PDE1A: variants seen among roughly 807,000 people sequenced by gnomAD.
The protein encoded by PDE1A is phosphodiesterase 1A.
Under a neutral mutation model 61.7 loss-of-function variants are expected in PDE1A, and 35 were observed. The observed-to-expected ratio is 0.57, with a 90% CI of 0.43 to 0.75. The LOEUF (loss-of-function observed/expected upper bound fraction) is 0.75, where lower values mean the gene tolerates loss of function less well. Among genes scored for constraint, PDE1A ranks in the 30% least tolerant of loss-of-function variants. The pLI, the probability that PDE1A is intolerant of heterozygous loss-of-function variation, is 0.00. For synonymous variants in PDE1A, 232 were observed against 213.2 expected (o/e 1.09, Z -0.77); for missense variants, 597 against 630.6 (o/e 0.95, Z 0.57).
chr2:182,516,682 A>T (rs1690171303), intron 2 of PDE1A, among the ~76,000 whole-genome samples: 1 of 121,098 alleles, frequency 8.3e-6, no homozygotes, highest in African/African-American at 3.2e-5. Flanking sequence ...GGAAGGAGGG[A>T]AGGAGGGAAG....
intron 1 of PDE1A, among the ~76,000 whole-genome samples, chr2:182,419,435 A>G (rs1209540048): frequency 6.6e-6 from 1 of 150,844 alleles, no homozygotes; most frequent in African/African-American, 2.4e-5. Flanking sequence ...TCCTGGATTC[A>G]AGCAATTCTC....
the PDE1A span, among the ~76,000 whole-genome samples, chr2:182,676,435 C>CA: frequency 0.018 from 2,513 of 137,458 alleles, 129 homozygotes; most frequent in Admixed American, 0.12. Context: ...GCCTACCAAC[C>CA]AAAAAAAAAA....
the PDE1A span, among the ~76,000 whole-genome samples, chr2:182,575,720 T>TAG: frequency 6.9e-6 from 1 of 145,730 alleles, no homozygotes; most frequent in African/African-American, 2.5e-5. Context: ...TCTATATATA[T>TAG]ATAGATATAT....
At chr2:182,202,824 A>G (rs565435114) in intron 8 of PDE1A, among the ~76,000 whole-genome samples, 293 of 152,334 alleles carry the variant, frequency 1.9e-3, no homozygotes, top group South Asian at 0.014. Flanking sequence ...AAAGCCTTGC[A>G]TGTTCCACAA....
intron 2 of PDE1A, among the ~76,000 whole-genome samples, chr2:182,449,921 A>T (rs1188148332): frequency 1.3e-5 from 2 of 152,138 alleles, no homozygotes; most frequent in Admixed American, 6.6e-5. Flanking sequence ...TTAAATTTAA[A>T]TTTTTTTAAG....
At chr2:182,173,764 G>T (rs1230094095) in intron 13 of PDE1A, among the ~76,000 whole-genome samples, 2 of 151,862 alleles carry the variant, frequency 1.3e-5, no homozygotes, top group African/African-American at 4.8e-5. Flanking sequence ...AATTGCTTAG[G>T]ATTCAGTCCT....
intron 1 of PDE1A, among the ~76,000 whole-genome samples, chr2:182,309,719 T>C (rs1184242408): frequency 2.0e-5 from 3 of 152,116 alleles, no homozygotes; most frequent in African/African-American, 7.2e-5. Flanking sequence ...TTCAGATATA[T>C]GCAGTCAGGT....
At chr2:182,146,907 T>G (rs1045326569), downstream of PDE1A, 18 of 413,312 alleles carry the variant, frequency 4.4e-5, no homozygotes, top group Non-Finnish European at 7.3e-5. Flanking sequence ...AGATTTTGTC[T>G]CAAAGGATTG....
intron 1 of PDE1A, among the ~76,000 whole-genome samples, chr2:182,366,459 C>T (rs1020854830): frequency 6.6e-6 from 1 of 151,974 alleles, no homozygotes; most frequent in Non-Finnish European, 1.5e-5. Context: ...GTCACATAAC[C>T]TTAAACACCC....
intron 1 of PDE1A, among the ~76,000 whole-genome samples, chr2:182,375,214 A>T (rs7558737): frequency 0.3 from 45,431 of 152,008 alleles, 6,935 homozygotes; most frequent in East Asian, 0.43. Flanking sequence ...ATGCCTTCCC[A>T]GCAGTACCCC....
At chr2:182,486,985 T>C (rs1016214659) in intron 2 of PDE1A, among the ~76,000 whole-genome samples, 2 of 152,166 alleles carry the variant, frequency 1.3e-5, no homozygotes, top group African/African-American at 2.4e-5. Context: ...GAAGGACAAG[T>C]AATAAACTGA....
At chr2:182,641,360 A>G in the PDE1A span, among the ~76,000 whole-genome samples, 1 of 152,158 alleles carries the variant, frequency 6.6e-6, no homozygotes, top group Non-Finnish European at 1.5e-5. Flanking sequence ...ATCATTAAAA[A>G]CTAGGCCAAT....
At chr2:182,503,663 A>G (rs1382158775) in intron 2 of PDE1A, among the ~76,000 whole-genome samples, 1 of 152,118 alleles carries the variant, frequency 6.6e-6, no homozygotes, top group Non-Finnish European at 1.5e-5. Flanking sequence ...GTCTTTCTTC[A>G]CAAGTCACCA....
chr2:182,280,526 A>G (rs72897061), intron 1 of PDE1A, among the ~76,000 whole-genome samples: 19,826 of 151,948 alleles, frequency 0.13, 1,733 homozygotes, highest in Non-Finnish European at 0.2. Flanking sequence ...CACTTGATTG[A>G]TAGTCTGACA....
intron 13 of PDE1A, among the ~76,000 whole-genome samples, chr2:182,153,506 C>G (rs188882215): frequency 1.6e-4 from 25 of 152,304 alleles, no homozygotes. Context: ...AAGGCTCTGA[C>G]ACCTATTAAA....
At chr2:182,341,418 T>C (rs936951881) in intron 1 of PDE1A, among the ~76,000 whole-genome samples, 26 of 152,218 alleles carry the variant, frequency 1.7e-4, no homozygotes, top group African/African-American at 4.6e-4. Flanking sequence ...AATAACTGTT[T>C]TAATGTCATC....
intron 2 of PDE1A, among the ~76,000 whole-genome samples, chr2:182,488,301 C>A (rs1395908458): frequency 6.6e-6 from 1 of 152,040 alleles, no homozygotes; most frequent in Non-Finnish European, 1.5e-5. Context: ...CTCTTTTTCC[C>A]TATGTCAAAA....
the PDE1A span, among the ~76,000 whole-genome samples, chr2:182,663,050 C>T: frequency 3.3e-5 from 5 of 152,068 alleles, no homozygotes; most frequent in Non-Finnish European, 7.4e-5. Context: ...CAAATGAAGA[C>T]ATTTATGCAG....
chr2:182,635,947 A>ATT, the PDE1A span, among the ~76,000 whole-genome samples: 4,215 of 55,290 alleles, frequency 0.076, 656 homozygotes, highest in African/African-American at 0.11. Context: ...TCTCACCGGT[A>ATT]TTTTTTTTTT....
Sources: allele counts gnomAD v4.1 joint callset (sites outside exome capture counted in the v4.1 genomes callset), GRCh38; gene constraint gnomAD v4.1.1; transcripts MANE v1.5; gene names NCBI Gene and HGNC (gene_info 2026-07-23, HGNC 2026-07-21).